The following HESX1 variants were observed in gnomAD, a reference collection of about 807,000 sequenced individuals.
HESX1 encodes the protein HESX homeobox 1.
A neutral mutation model predicts 22.5 loss-of-function variants in HESX1; 11 were observed. That is an observed-to-expected ratio of 0.49 (90% confidence interval 0.31 to 0.81). The LOEUF (loss-of-function observed/expected upper bound fraction) is 0.81. Ranked by LOEUF, HESX1 falls within the 30% of genes least tolerant of loss-of-function variation. The probability of loss-of-function intolerance (pLI) is 0.05; values close to 1 mark genes in which losing one functional copy is unlikely to be tolerated. For synonymous variants in HESX1, 74 were observed against 76.5 expected (o/e 0.97, Z 0.17); for missense variants, 201 against 212.6 (o/e 0.95, Z 0.34).
At position 57,222,455 on chromosome 3, in the gene HESX1, C is replaced by T. The variant is rs1396082239; in HGVS notation, c.-111+3841G>A. On this transcript the variant is annotated intron_variant, in intron 1 of 2. Coordinates refer to the HESX1 transcript ENST00000495160. ...TAAATTTTTTGTAGAGACACGGTCT[C>T]ACTATGTTGCACAGGTTAGTCTCAA... Among the ~76,000 whole-genome samples the T allele has an allele frequency of 2.0e-5, 3 of 151,898 alleles. No homozygotes were observed. The East Asian group carries it at 5.8e-4, about 29-fold the overall frequency.
chr3:57,198,055 G>T lies in HESX1; in HGVS notation c.*142C>A, dbSNP rs868780795. The stretch of plus-strand genomic sequence containing the variant: ...CCCAAATATGTACCATGCTATAATA[G>T]TATTTACAATATATTTTCAGAAAAA... On this transcript the variant is annotated 3_prime_UTR_variant, in exon 4 of 4. Coordinates refer to ENST00000295934, the MANE Select transcript of HESX1 (RefSeq NM_003865.3). The T allele has an allele frequency of 1.3e-5, 9 of 673,844 alleles. No homozygotes were observed. In the South Asian group the frequency reaches 1.6e-4, roughly 12 times the overall value. 41.7% of individuals were successfully genotyped at this position (673,844 alleles called of 1,614,324 possible).
chr3:57,209,133 G>A (rs1463898254), intron 1 of HESX1, among the ~76,000 whole-genome samples: 1 of 152,108 alleles, frequency 6.6e-6, no homozygotes, highest in Non-Finnish European at 1.5e-5. Flanking sequence ...TATCCAATAT[G>A]GTAGCCACTA....
rs1231940733 is a variant in HESX1 at position 57,212,561 on chromosome 3, A to AAAAAG, written c.-110-12534_-110-12533insCTTTT. On this transcript the variant is annotated intron_variant, in intron 1 of 2. Coordinates refer to the HESX1 transcript ENST00000495160. The stretch of plus-strand genomic sequence containing the variant: ...GGACAGAGCAAGACTCTGTCTCAAA[A>AAAAAG]AAAAAAAAAAAAAGATTCATTCTAT... Among the ~76,000 whole-genome samples, 6 of 151,562 alleles carry AAAAAG rather than the reference A, an allele frequency of 4.0e-5. No homozygotes were observed. The East Asian group carries it at 1.2e-3, about 29-fold the overall frequency.
At chr3:57,216,954 T>A (rs560224035) in intron 1 of HESX1, among the ~76,000 whole-genome samples, 3 of 152,324 alleles carry the variant, frequency 2.0e-5, no homozygotes, top group Non-Finnish European at 4.4e-5. Flanking sequence ...TAATAGGTTA[T>A]AATCTCATTA....
chr3:57,227,552 G>T (rs1055721764), upstream of HESX1, among the ~76,000 whole-genome samples: 19 of 152,342 alleles, frequency 1.2e-4, no homozygotes, highest in Admixed American at 1.3e-4. Context: ...CGCGTGCAGG[G>T]AAGGCCATCC....
At chr3:57,212,430 G>T (rs9830217) in intron 1 of HESX1, among the ~76,000 whole-genome samples, 4 of 151,676 alleles carry the variant, frequency 2.6e-5, no homozygotes, top group African/African-American at 9.7e-5. Context: ...GTGGTGGCAC[G>T]TGCCTGTAGT....
At chr3:57,212,050 T>C (rs1559500669) in intron 1 of HESX1, among the ~76,000 whole-genome samples, 1 of 152,152 alleles carries the variant, frequency 6.6e-6, no homozygotes, top group South Asian at 2.1e-4. Context: ...ACATAGGAAA[T>C]GTTAAGTAAG....
intron 1 of HESX1, among the ~76,000 whole-genome samples, chr3:57,211,540 A>AAAAAAAAAC (rs2060553972): frequency 6.8e-6 from 1 of 147,906 alleles, no homozygotes; most frequent in Non-Finnish European, 1.5e-5. Flanking sequence ...AAAAAAAAAA[A>AAAAAAAAAC]AAAAAAAAAA....
In HESX1 at chr3:57,197,936, T is replaced by A. The variant is rs1396602267; in HGVS notation, c.*261A>T. ...GTCTATTGATTTTAACAAACTAATT[T>A]ATTAGATTAATTTGGCTTACTTAAA... On this transcript the variant is annotated 3_prime_UTR_variant, in exon 4 of 4. Transcript: ENST00000295934. 1 of 295,612 alleles carries A rather than the reference T, an allele frequency of 3.4e-6. No individual in the cohort carries two copies. Among genetic ancestry groups the A allele is most frequent in the Admixed American group, 4.6e-5 (1 of 21,874 alleles). The allele number at this position is 295,612 out of a possible 1,614,324, so 18.3% of individuals were successfully genotyped here.
chr3:57,209,346 C>T (rs1352235078), intron 1 of HESX1, among the ~76,000 whole-genome samples: 1 of 152,014 alleles, frequency 6.6e-6, no homozygotes, highest in African/African-American at 2.4e-5. Flanking sequence ...TAGAACAATA[C>T]TGAAAATAGT....
chr3:57,227,354 GA>G, upstream of HESX1, among the ~76,000 whole-genome samples: 1 of 152,312 alleles, frequency 6.6e-6, no homozygotes, highest in South Asian at 2.1e-4. Flanking sequence ...GCGGAGTTGG[GA>G]ATGTTATCAT....
At chr3:57,212,026 G>T (rs898610847) in intron 1 of HESX1, among the ~76,000 whole-genome samples, 1 of 152,100 alleles carries the variant, frequency 6.6e-6, no homozygotes, top group Non-Finnish European at 1.5e-5. Context: ...CCTGCACCCA[G>T]CACAGTGCCT....
intron 1 of HESX1, among the ~76,000 whole-genome samples, chr3:57,212,557 C>CAAAAAAAA (rs56093005): frequency 2.5e-4 from 20 of 80,054 alleles, no homozygotes; most frequent in East Asian, 3.3e-4. Context: ...GACTCTGTCT[C>CAAAAAAAA]AAAAAAAAAA....
chr3:57,220,160 C>G (rs1479116792), intron 1 of HESX1, among the ~76,000 whole-genome samples: 3 of 152,146 alleles, frequency 2.0e-5, no homozygotes, highest in African/African-American at 7.2e-5. Flanking sequence ...GGTGTGCAGC[C>G]TTATTTCTGC....
chr3:57,198,967 A>G lies in HESX1; in HGVS notation c.158-15T>C, dbSNP rs201116630. The G allele has an allele frequency of 1.9e-6, 3 of 1,609,208 alleles. No individual in the cohort carries two copies. In the East Asian group the frequency reaches 6.7e-5, roughly 36 times the overall value. Reference sequence around the variant, plus strand: ...ACCATCTTTCCCTAAAAACAAAAAAATAAGCCCTGTCTTAGATGGTCAATC... The same window carrying G: ...ACCATCTTTCCCTAAAAACAAAAAAGTAAGCCCTGTCTTAGATGGTCAATC... On this transcript the variant is annotated splice_polypyrimidine_tract_variant and intron_variant, in intron 1 of 3. Coordinates refer to ENST00000295934, the MANE Select transcript of HESX1 (RefSeq NM_003865.3).
rs1295776262 is a variant in HESX1 at position 57,205,522 on chromosome 3, C to G, written c.-110-5494G>C. 2.0e-5 allele frequency among the ~76,000 whole-genome samples: 3 copies of G among 152,238 alleles called. No individual in the cohort carries two copies. The East Asian group carries it at 5.8e-4, about 29-fold the overall frequency. On this transcript the variant is annotated intron_variant, in intron 1 of 2. Coordinates refer to the HESX1 transcript ENST00000495160. ...TATTTACTTGATCTCACCTCCTACT[C>G]CTCCCTCCCATGTTCACTGTGTTCC...
At chr3:57,226,128 A>AAT in intron 1 of HESX1, among the ~76,000 whole-genome samples, 2 of 150,956 alleles carry the variant, frequency 1.3e-5, no homozygotes, top group East Asian at 3.9e-4. Context: ...TCCAGCTGCC[A>AAT]CGGCCTCCCA....
rs956032239 is a variant in HESX1, at chr3:57,208,597, A to G, written c.-110-8569T>C. 9.4e-5 allele frequency among the ~76,000 whole-genome samples: 14 copies of G among 148,226 alleles called. 1 individual carries two copies. The highest frequency in any genetic ancestry group is 6.8e-3 in the Middle Eastern group (2 of 294). ...ACTCCTGACCTCAAGTGATCCACCC[A>G]CCTTGGCCTCCCAAAGTGCTGAGAT... On this transcript the variant is annotated intron_variant, in intron 1 of 2. Transcript: ENST00000495160.
At position 57,198,274 on chromosome 3, in the gene HESX1, C is replaced by T. The variant is rs760503914; in HGVS notation, c.481G>A (p.Ala161Thr). Residue 161 changes from alanine to threonine, a missense_variant, in exon 4 of 4, where the codon GCA becomes ACA. By Grantham distance (58) the Ala-to-Thr change is moderately conservative (BLOSUM62 0). Transcript: ENST00000295934. The part of the protein sequence containing the change: ...RIQIWFQNRR[A>T]KLKRSHRESQ... Reference sequence around the variant, plus strand: ...TCTCTATGGGACCTTTTCAGTTTTGCACGCCGATTTTGAAACCAAATCTAA... The same window carrying T: ...TCTCTATGGGACCTTTTCAGTTTTGTACGCCGATTTTGAAACCAAATCTAA... The T allele has an allele frequency of 5.6e-6, 9 of 1,612,988 alleles. No homozygotes were observed. Among genetic ancestry groups the T allele is most frequent in the Non-Finnish European group, 7.6e-6 (9 of 1,179,482 alleles).
Sources: gnomAD v4.1 joint callset for allele counts (sites outside exome capture counted in the v4.1 genomes callset) on GRCh38, gnomAD v4.1.1 for gene constraint, MANE v1.5 for transcripts, NCBI Gene and HGNC (gene_info 2026-07-23, HGNC 2026-07-21) for gene names.